ATP6V0C: variants seen among roughly 807,000 people sequenced by gnomAD.
ATP6V0C encodes the protein V-type proton ATPase 16 kDa proteolipid subunit c.
A neutral mutation model predicts 10.6 loss-of-function variants in ATP6V0C; 2 were observed. That is an observed-to-expected ratio of 0.19 (90% CI 0.08 to 0.59). The LOEUF (loss-of-function observed/expected upper bound fraction) is 0.59. Among genes scored for constraint, ATP6V0C ranks in the 20% least tolerant of loss-of-function variants. The probability of loss-of-function intolerance (pLI) is 0.90; values close to 1 mark genes in which losing one functional copy is unlikely to be tolerated. For missense variants in ATP6V0C, 89 were observed against 225.9 expected, an observed-to-expected ratio of 0.39 and a Z score of 3.88; for synonymous variants, 128 against 101.3, an observed-to-expected ratio of 1.26 and a Z score of -1.59.
Position 2,514,051 on chromosome 16 carries a change from C to G in ATP6V0C, c.-53C>G. 6.6e-7 allele frequency: 1 copy of G among 1,504,130 alleles called. No homozygotes were observed. Among genetic ancestry groups the G allele is most frequent in the Middle Eastern group, 2.0e-4 (1 of 4,938 alleles). The allele number at this position is 1,504,130 out of a possible 1,614,324, so 93.2% of individuals were successfully genotyped here. ...TTCGTGCCCGGCCCGTCCTCGCCCC[C>G]GCCTCCGCCACCGCCTCGGCCCGCA... On this transcript the variant is annotated 5_prime_UTR_variant, in exon 1 of 3. Transcript: ENST00000330398.
intron 1 of ATP6V0C, among the ~76,000 whole-genome samples, chr16:2,516,194 C>T (rs1413117392): frequency 6.6e-6 from 1 of 151,222 alleles, no homozygotes; most frequent in Non-Finnish European, 1.5e-5. Flanking sequence ...CTCACTACAG[C>T]CTCAACCTCC....
At chr16:2,517,721 G>A (rs1456595614) in intron 1 of ATP6V0C, 1 of 139,030 alleles carries the variant, frequency 7.2e-6, no homozygotes, top group African/African-American at 2.7e-5. Context: ...GTTTGTGTGT[G>A]TGTGTGTGTG....
chr16:2,518,576 C>T (rs1257280838), intron 1 of ATP6V0C, among the ~76,000 whole-genome samples: 1 of 152,240 alleles, frequency 6.6e-6, no homozygotes, highest in Admixed American at 6.5e-5. Context: ...TCCAATCTGT[C>T]AAGGGTTCAG....
intron 1 of ATP6V0C, among the ~76,000 whole-genome samples, chr16:2,518,816 T>C (rs893728602): frequency 6.6e-6 from 1 of 152,176 alleles, no homozygotes; most frequent in African/African-American, 2.4e-5. Flanking sequence ...TTTTCCAGCA[T>C]GTTGTCCTGG....
upstream of ATP6V0C, chr16:2,513,930 ACGCGGC>A (rs1256976891): frequency 1.4e-5 from 8 of 558,786 alleles, no homozygotes; most frequent in South Asian, 8.7e-5. Flanking sequence ...AGGTCATGTG[ACGCGGC>A]CGCGGCCGCC....
upstream of ATP6V0C, chr16:2,513,870 A>C: frequency 4.0e-5 from 14 of 346,232 alleles, no homozygotes; most frequent in Non-Finnish European, 5.3e-5. Flanking sequence ...CGTCCCGGGG[A>C]CGCGTCTCCC....
chr16:2,519,388 A>G lies in ATP6V0C; in HGVS notation c.250A>G (p.Ile84Val). The change falls in exon 2 of 3, where the codon ATC becomes GTC. Residue 84 changes from isoleucine (I) to valine (V), a missense_variant. Coordinates refer to ENST00000330398, the MANE Select transcript of ATP6V0C (RefSeq NM_001694.4). ...VLIANSLNDD[I>V]SLYKSFLQLG... The stretch of plus-strand genomic sequence containing the variant: ...CATCGCCAACTCCCTGAATGACGAC[A>G]TCAGCCTCTACAAGTGAGCACTGGG... 1 of 1,613,444 alleles carries G rather than the reference A, an allele frequency of 6.2e-7. No homozygotes were observed. Among genetic ancestry groups the G allele is most frequent in the Middle Eastern group, 1.7e-4 (1 of 6,058 alleles).
Position 2,520,178 on chromosome 16 carries a change from G to T in ATP6V0C, c.*433G>T. 1.9e-6 allele frequency: 1 copy of T among 522,032 alleles called. No individual in the cohort carries two copies. The highest frequency in any genetic ancestry group is 3.5e-6 in the Non-Finnish European group (1 of 282,444). 32.3% of individuals were successfully genotyped at this position (522,032 alleles called of 1,614,324 possible). A position where few individuals can be genotyped will look rare whatever the true frequency, so the allele number is the denominator to read the frequency against. On this transcript the variant is annotated 3_prime_UTR_variant, in exon 3 of 3. Coordinates refer to ENST00000330398, the MANE Select transcript of ATP6V0C (RefSeq NM_001694.4). ...AGCCGCCCTCACCGCCGGGCCCGTG[G>T]CCCTGCGCGGAGCTGTGTCCAATAA...
chr16:2,515,916 C>T (rs913603961), intron 1 of ATP6V0C, among the ~76,000 whole-genome samples: 6 of 151,748 alleles, frequency 4.0e-5, no homozygotes, highest in Non-Finnish European at 8.8e-5. Flanking sequence ...CCTTTCCTCT[C>T]TCTCCGTCAA....
At chr16:2,515,542 G>T (rs1382497512) in intron 1 of ATP6V0C, among the ~76,000 whole-genome samples, 1 of 152,152 alleles carries the variant, frequency 6.6e-6, no homozygotes, top group Non-Finnish European at 1.5e-5. Context: ...TGCAAGTAAG[G>T]GGTCATTTGT....
At position 2,520,025 on chromosome 16, in the gene ATP6V0C, A is replaced by G. The variant is rs1351027546; in HGVS notation, c.*280A>G. The G allele has an allele frequency of 1.5e-6, 1 of 668,570 alleles. No homozygotes were observed. Among genetic ancestry groups the G allele is most frequent in the South Asian group, 1.5e-5 (1 of 66,322 alleles). 41.4% of individuals were successfully genotyped at this position (668,570 alleles called of 1,614,324 possible). ...TGATTTAGAATTGTCATTTCTCTTT[A>G]CTGGATGTTTATTTATAAAGATCTG... is the stretch of plus-strand genomic sequence containing the variant. On this transcript the variant is annotated 3_prime_UTR_variant, in exon 3 of 3. Transcript: ENST00000330398.
chr16:2,514,098 G>A lies in ATP6V0C; in HGVS notation c.-6G>A. 4 of 1,572,778 alleles carry A rather than the reference G, an allele frequency of 2.5e-6. No homozygotes were observed. The highest frequency in any genetic ancestry group is 3.4e-6 in the Non-Finnish European group (4 of 1,160,780). ...CGCAGAGCTTGCCCCCTCCCCACCC[G>A]CAGACATGTCCGAGTCCAAGAGCGG... On this transcript the variant is annotated 5_prime_UTR_variant, in exon 1 of 3. Transcript: ENST00000330398.
chr16:2,519,048 T>G (rs147996101), intron 1 of ATP6V0C, 170 bp from the exon 2 acceptor site: 76 of 701,538 alleles, frequency 1.1e-4, no homozygotes, highest in Non-Finnish European at 1.6e-4. Context: ...TGCTTGCCCG[T>G]GGCTGTTCCT....
intron 1 of ATP6V0C, chr16:2,518,102 C>G (rs1395919218): frequency 6.6e-6 from 1 of 152,436 alleles, no homozygotes; most frequent in African/African-American, 2.4e-5. Flanking sequence ...CCCTAAAAGA[C>G]CATGGCATGA....
At chr16:2,517,714 T>A (rs564572389) in intron 1 of ATP6V0C, 1 of 3,766 alleles carries the variant, frequency 2.7e-4, no homozygotes, top group South Asian at 0.017. Flanking sequence ...TCAGGCTGTT[T>A]GTGTGTGTGT....
chr16:2,516,774 T>C (rs1173960515), intron 1 of ATP6V0C: 1 of 152,584 alleles, frequency 6.6e-6, no homozygotes, highest in Admixed American at 6.5e-5. Flanking sequence ...ATGCTTGTGT[T>C]TCTGCAACTG....
At chr16:2,513,794 C>G, upstream of ATP6V0C, 1 of 197,422 alleles carries the variant, frequency 5.1e-6, no homozygotes, top group East Asian at 1.1e-4. Context: ...CAGGGCGGGG[C>G]CGGGCGCCGG....
At chr16:2,514,621 C>A (rs1026378818) in intron 1 of ATP6V0C, among the ~76,000 whole-genome samples, 6 of 152,164 alleles carry the variant, frequency 3.9e-5, no homozygotes, top group Non-Finnish European at 7.4e-5. Flanking sequence ...CCCAGGAACG[C>A]CCAGCCGGTC....
Position 2,514,001 on chromosome 16 carries a change from C to A in ATP6V0C, c.-103C>A, listed in dbSNP as rs967118892. On this transcript the variant is annotated 5_prime_UTR_variant, in exon 1 of 3. Coordinates refer to ENST00000330398, the MANE Select transcript of ATP6V0C (RefSeq NM_001694.4). ...CGCAGCGGCTGACGGGCCGGATCGC[C>A]TTCGCCGCCGCCCGCCCGCAAACCT... 2.7e-6 allele frequency: 3 copies of A among 1,114,024 alleles called. No individual in the cohort carries two copies. The East Asian group carries it at 8.9e-5, about 33-fold the overall frequency. 69.0% of individuals were successfully genotyped at this position (1,114,024 alleles called of 1,614,324 possible).
Sources: allele counts gnomAD v4.1 joint callset (sites outside exome capture counted in the v4.1 genomes callset), GRCh38; gene constraint gnomAD v4.1.1; transcripts MANE v1.5; gene names NCBI Gene and HGNC (gene_info 2026-07-23, HGNC 2026-07-21).